Variants in MAGI2 observed in about 807,000 individuals in gnomAD.
The protein encoded by MAGI2 is membrane associated guanylate kinase, WW and PDZ domain containing 2.
A neutral mutation model predicts 133.3 loss-of-function variants in MAGI2; 35 were observed. The ratio of observed to expected loss-of-function variants is 0.26; its 90% CI spans 0.20 to 0.35. MAGI2 has a LOEUF of 0.35. MAGI2 is among the 10% of genes least tolerant of loss of function. The pLI, the probability that MAGI2 is intolerant of heterozygous loss-of-function variation, is 1.00. For synonymous variants in MAGI2, 729 were observed against 710.6 expected, an observed-to-expected ratio of 1.03 and a Z score of -0.41; for missense variants, 1,636 against 1,863.4, an observed-to-expected ratio of 0.88 and a Z score of 2.25.
At position 78,738,430 on chromosome 7, in the gene MAGI2, G is replaced by T. The variant is rs563971028; in HGVS notation, c.419-111191C>A. On this transcript the variant is annotated intron_variant, in intron 2 of 21. Coordinates refer to ENST00000354212, the MANE Select transcript of MAGI2 (RefSeq NM_012301.4). ...TTTAGGGTAATTTATGTTATTTCAG[G>T]TAAAAACATTTGACTTCCTAAACAA... Among the ~76,000 whole-genome samples the T allele has an allele frequency of 1.1e-4, 17 of 152,044 alleles. 1 individual carries two copies. In the South Asian group the frequency reaches 3.5e-3, roughly 32 times the overall value.
At chr7:78,524,757 T>C (rs1171085766) in intron 3 of MAGI2, among the ~76,000 whole-genome samples, 1 of 96,362 alleles carries the variant, frequency 1.0e-5, no homozygotes, top group Non-Finnish European at 2.0e-5. Flanking sequence ...TCCTAAAGGG[T>C]AGCACAGCTT....
intron 9 of MAGI2, among the ~76,000 whole-genome samples, chr7:78,308,520 G>A (rs1267614800): frequency 3.3e-5 from 5 of 152,038 alleles, no homozygotes; most frequent in East Asian, 3.9e-4. Context: ...GGTGAGGTCC[G>A]ACCCATCTTT....
chr7:78,888,287 G>C (rs1796436179), intron 2 of MAGI2, among the ~76,000 whole-genome samples: 1 of 152,210 alleles, frequency 6.6e-6, no homozygotes, highest in African/African-American at 2.4e-5. Flanking sequence ...TGCCTCTGTA[G>C]ACTCCACCTC....
intron 9 of MAGI2, among the ~76,000 whole-genome samples, chr7:78,289,098 A>C (rs915440622): frequency 1.3e-5 from 2 of 152,216 alleles, no homozygotes; most frequent in African/African-American, 4.8e-5. Context: ...AGTTGGATGG[A>C]GAATGACTTT....
chr7:78,416,807 A>G lies in MAGI2; in HGVS notation c.1046-47594T>C, dbSNP rs1798346342. ...CTCTCCTGCCATGTGAGGTCACAGT[A>G]TATGTCCCTTTTCCCCTTTATGCCA... On this transcript the variant is annotated intron_variant, in intron 6 of 21. Coordinates refer to ENST00000354212, the MANE Select transcript of MAGI2 (RefSeq NM_012301.4). Among the ~76,000 whole-genome samples, 3 of 152,256 alleles carry G rather than the reference A, an allele frequency of 2.0e-5. No homozygotes were observed. The South Asian group carries it at 6.2e-4, about 32-fold the overall frequency.
At chr7:78,724,886 A>C (rs556194415) in intron 2 of MAGI2, among the ~76,000 whole-genome samples, 2 of 152,354 alleles carry the variant, frequency 1.3e-5, no homozygotes, top group Admixed American at 6.5e-5. Context: ...GAGTGACTTT[A>C]GAAGACCTTG....
intron 2 of MAGI2, among the ~76,000 whole-genome samples, chr7:78,955,071 A>G (rs1802181455): frequency 6.6e-6 from 1 of 152,104 alleles, no homozygotes; most frequent in Non-Finnish European, 1.5e-5. Flanking sequence ...TTATGTTCAA[A>G]AGAAAAAAAA....
intron 1 of MAGI2, among the ~76,000 whole-genome samples, chr7:79,232,546 A>T (rs1831463364): frequency 8.5e-6 from 1 of 117,384 alleles, no homozygotes; most frequent in Non-Finnish European, 1.7e-5. Context: ...CGAGGAATTT[A>T]TCCATTTCTT....
Position 78,431,074 on chromosome 7 carries a change from CTGTGTGTGTGTG to C in MAGI2, c.1045+58675_1045+58686del, listed in dbSNP as rs147567944. ...TGCCTGTTGGAATCAGTGAGGTAGG[CTGTGTGTGTGTG>C]TGTGTGTGTGTGTGTGTGTTTTAAG... On this transcript the variant is annotated intron_variant, in intron 6 of 21. Coordinates refer to ENST00000354212, the MANE Select transcript of MAGI2 (RefSeq NM_012301.4). 7.3e-4 allele frequency among the ~76,000 whole-genome samples: 107 copies of C among 146,514 alleles called. No individual in the cohort carries two copies. The South Asian group carries it at 8.4e-3, about 11-fold the overall frequency.
chr7:78,994,831 TTTC>T lies in MAGI2; in HGVS notation c.418+12256_418+12258del, dbSNP rs371272998. Among the ~76,000 whole-genome samples, 7 of 152,272 alleles carry T rather than the reference TTTC, an allele frequency of 4.6e-5. No individual in the cohort carries two copies. In the East Asian group the frequency reaches 1.4e-3, roughly 29 times the overall value. ...AGATGTTTGTTAAATGCTGGTTCAC[TTTC>T]TTCTTTCCATTCTATCCCCATCACC... On this transcript the variant is annotated intron_variant, in intron 2 of 21. Coordinates refer to ENST00000354212, the MANE Select transcript of MAGI2 (RefSeq NM_012301.4).
chr7:79,323,293 C>T (rs1335104013), intron 1 of MAGI2, among the ~76,000 whole-genome samples: 1 of 152,160 alleles, frequency 6.6e-6, no homozygotes, highest in Non-Finnish European at 1.5e-5. Flanking sequence ...AATAAGTAAT[C>T]AGACATTCAG....
chr7:78,269,947 G>A (rs1435889895), intron 9 of MAGI2, among the ~76,000 whole-genome samples: 1 of 152,148 alleles, frequency 6.6e-6, no homozygotes, highest in Non-Finnish European at 1.5e-5. Flanking sequence ...TTTGTATAAG[G>A]TGTAAGGAAG....
At chr7:78,860,081 CA>C (rs1298356729) in intron 2 of MAGI2, among the ~76,000 whole-genome samples, 2 of 152,204 alleles carry the variant, frequency 1.3e-5, no homozygotes, top group Non-Finnish European at 2.9e-5. Context: ...CCATGGTTTT[CA>C]GCTCCATCAG....
At chr7:79,346,557 A>G (rs1180097998) in intron 1 of MAGI2, among the ~76,000 whole-genome samples, 1 of 151,892 alleles carries the variant, frequency 6.6e-6, no homozygotes, top group East Asian at 1.9e-4. Context: ...TTTCTAGGCA[A>G]TAAGGCTCTC....
chr7:78,398,287 C>T (rs1381125500), intron 6 of MAGI2, among the ~76,000 whole-genome samples: 3 of 151,960 alleles, frequency 2.0e-5, no homozygotes, highest in East Asian at 1.9e-4. Flanking sequence ...TGAACTCATG[C>T]GGCTTTTTTT....
intron 3 of MAGI2, among the ~76,000 whole-genome samples, chr7:78,573,321 A>AATATATATATTTATATATAT (rs1801885080): frequency 1.9e-4 from 10 of 51,434 alleles, no homozygotes; most frequent in African/African-American, 9.7e-4. Context: ...TAAATATATA[A>AATATATATATTTATATATAT]ATATATATAT....
Position 78,793,470 on chromosome 7 carries a change from G to A in MAGI2, c.419-166231C>T, listed in dbSNP as rs533769021. 3.3e-5 allele frequency among the ~76,000 whole-genome samples: 5 copies of A among 152,186 alleles called. No homozygotes were observed. The South Asian group carries it at 1.0e-3, about 32-fold the overall frequency. On this transcript the variant is annotated intron_variant, in intron 2 of 21. Coordinates refer to ENST00000354212, the MANE Select transcript of MAGI2 (RefSeq NM_012301.4). ...GAGTTATCCAATCCAAAATGTTAGC[G>A]CAAAGTCTGAGAAATTCTGTCAATC...
chr7:78,645,683 T>C (rs1180797892), intron 2 of MAGI2, among the ~76,000 whole-genome samples: 1 of 151,458 alleles, frequency 6.6e-6, no homozygotes, highest in Non-Finnish European at 1.5e-5. Context: ...ACCATTTACG[T>C]GAAGTTTTTA....
chr7:78,534,814 A>G (rs1797745296), intron 3 of MAGI2, among the ~76,000 whole-genome samples: 1 of 151,968 alleles, frequency 6.6e-6, no homozygotes, highest in Non-Finnish European at 1.5e-5. Flanking sequence ...CCTCCATAGC[A>G]CTGATGTCTA....
Sources: gnomAD v4.1 joint callset for allele counts (sites outside exome capture counted in the v4.1 genomes callset) on GRCh38, gnomAD v4.1.1 for gene constraint, MANE v1.5 for transcripts, NCBI Gene and HGNC (gene_info 2026-07-23, HGNC 2026-07-21) for gene names.